The following CSMD1 variants were observed in gnomAD, a reference collection of about 807,000 sequenced individuals.
CSMD1 encodes the protein CUB and sushi domain-containing protein 1.
A neutral mutation model predicts 417.5 loss-of-function variants in CSMD1; 213 were observed. The observed-to-expected ratio is 0.51, with a 90% CI of 0.46 to 0.57. CSMD1 has a LOEUF of 0.57. CSMD1 is among the 20% of genes least tolerant of loss of function. The pLI is 0.00. For synonymous variants in CSMD1, 2,862 were observed against 1,736.8 expected, an observed-to-expected ratio of 1.65 and a Z score of -16.11; for missense variants, 6,923 against 4,529.7, an observed-to-expected ratio of 1.53 and a Z score of -15.17.
chr8:4,290,551 G>C (rs925591418), intron 3 of CSMD1, among the ~76,000 whole-genome samples: 3 of 152,176 alleles, frequency 2.0e-5, no homozygotes, highest in East Asian at 1.9e-4. Context: ...CAAAGATGAA[G>C]AAGGGCCATT....
intron 3 of CSMD1, among the ~76,000 whole-genome samples, chr8:4,094,144 A>G (rs918914): frequency 0.99 from 150,515 of 152,158 alleles, 74,471 homozygotes; most frequent in East Asian, 1. Flanking sequence ...GGGGGGGATG[A>G]GGGGACACAG....
intron 25 of CSMD1, among the ~76,000 whole-genome samples, chr8:3,305,090 A>T (rs958185582): frequency 6.6e-6 from 1 of 152,158 alleles, no homozygotes; most frequent in African/African-American, 2.4e-5. Context: ...ATCATAGCTT[A>T]CTTCAGCCTT....
chr8:3,454,904 T>A (rs956397292), intron 12 of CSMD1, among the ~76,000 whole-genome samples: 2 of 152,202 alleles, frequency 1.3e-5, no homozygotes, highest in Non-Finnish European at 2.9e-5. Flanking sequence ...TCCTGCAGAG[T>A]GTTTTCCAAC....
chr8:4,764,229 AGTC>A (rs1812299366), intron 1 of CSMD1, among the ~76,000 whole-genome samples: 1 of 152,228 alleles, frequency 6.6e-6, no homozygotes, highest in Non-Finnish European at 1.5e-5. Context: ...AAAGTTAGAC[AGTC>A]GTATTGTACA....
intron 51 of CSMD1, among the ~76,000 whole-genome samples, chr8:3,028,027 G>C (rs1238187493): frequency 1.3e-5 from 2 of 152,176 alleles, no homozygotes; most frequent in Non-Finnish European, 2.9e-5. Flanking sequence ...GCCCTGCTCT[G>C]GGAAGACAGG....
intron 1 of CSMD1, among the ~76,000 whole-genome samples, chr8:4,866,638 T>A (rs1350300): frequency 0.91 from 137,476 of 151,838 alleles, 63,380 homozygotes; most frequent in Non-Finnish European, 0.98. Flanking sequence ...ATGAGATTCA[T>A]ATGCTGGTTC....
intron 3 of CSMD1, among the ~76,000 whole-genome samples, chr8:4,076,173 C>T (rs1799812749): frequency 6.6e-6 from 1 of 152,170 alleles, no homozygotes; most frequent in Non-Finnish European, 1.5e-5. Context: ...ATGGTGTTCT[C>T]ACGACAGTGA....
At chr8:4,134,592 T>C (rs1432479081) in intron 3 of CSMD1, among the ~76,000 whole-genome samples, 1 of 152,202 alleles carries the variant, frequency 6.6e-6, no homozygotes, top group Non-Finnish European at 1.5e-5. Flanking sequence ...TGCATACAAC[T>C]TCCAACAAAC....
chr8:4,108,391 C>A (rs902702316), intron 3 of CSMD1, among the ~76,000 whole-genome samples: 2 of 152,168 alleles, frequency 1.3e-5, no homozygotes, highest in Non-Finnish European at 2.9e-5. Context: ...GAACTACTCT[C>A]GACCATGTTC....
Position 3,828,065 on chromosome 8 carries a change from G to C in CSMD1, c.819-74023C>G, listed in dbSNP as rs181109896. 6.6e-5 allele frequency among the ~76,000 whole-genome samples: 10 copies of C among 152,264 alleles called. No individual in the cohort carries two copies. The East Asian group carries it at 1.9e-3, about 29-fold the overall frequency. ...TATACTCCACTTCAATGAGCAAAAA[G>C]TTATGCCACACAGAGCTTAATTACA... On this transcript the variant is annotated intron_variant, in intron 5 of 69. Transcript: ENST00000635120.
At chr8:3,428,295 A>C (rs921598012) in intron 12 of CSMD1, among the ~76,000 whole-genome samples, 1 of 152,220 alleles carries the variant, frequency 6.6e-6, no homozygotes, top group Non-Finnish European at 1.5e-5. Context: ...CTGCAGCCAG[A>C]ACTGCTTCCT....
At chr8:3,270,114 G>A (rs1801731080) in intron 26 of CSMD1, among the ~76,000 whole-genome samples, 1 of 129,314 alleles carries the variant, frequency 7.7e-6, no homozygotes, top group Non-Finnish European at 1.6e-5. Context: ...CAGTGGCACT[G>A]TCTTGGCCCA....
intron 3 of CSMD1, among the ~76,000 whole-genome samples, chr8:4,272,119 G>T (rs1478752568): frequency 1.3e-5 from 2 of 152,144 alleles, no homozygotes; most frequent in East Asian, 1.9e-4. Context: ...AGGGGTGTGT[G>T]TGTGTGGCTG....
chr8:3,053,994 G>T (rs1037842), intron 49 of CSMD1, among the ~76,000 whole-genome samples: 108,804 of 152,042 alleles, frequency 0.72, 39,551 homozygotes, highest in East Asian at 0.8. Flanking sequence ...ATGAAGAAAT[G>T]TATATAAACA....
At chr8:4,806,784 G>C (rs572780098) in intron 1 of CSMD1, among the ~76,000 whole-genome samples, 1 of 152,206 alleles carries the variant, frequency 6.6e-6, no homozygotes, top group African/African-American at 2.4e-5. Flanking sequence ...ATCTAGTCCT[G>C]TGACAACCTT....
chr8:3,753,111 G>A (rs1797445696), intron 6 of CSMD1, among the ~76,000 whole-genome samples: 1 of 152,132 alleles, frequency 6.6e-6, no homozygotes, highest in African/African-American at 2.4e-5. Context: ...TGTCCTCTCT[G>A]GCACATGGCA....
chr8:3,943,447 G>A (rs552984889), intron 5 of CSMD1, among the ~76,000 whole-genome samples: 36 of 136,920 alleles, frequency 2.6e-4, no homozygotes, highest in Admixed American at 9.8e-4. Flanking sequence ...CAGAATTCCA[G>A]CAATTGTTTC....
chr8:4,638,954 C>T (rs920083593), intron 1 of CSMD1, among the ~76,000 whole-genome samples: 2 of 152,176 alleles, frequency 1.3e-5, no homozygotes, highest in African/African-American at 4.8e-5. Context: ...AAGAATAGAA[C>T]CCTTGAGTAA....
chr8:4,640,938 TCAATATCAATGG>T (rs1236696850), intron 1 of CSMD1, among the ~76,000 whole-genome samples: 1 of 150,812 alleles, frequency 6.6e-6, no homozygotes, highest in Non-Finnish European at 1.5e-5. Flanking sequence ...AAATAAAATA[TCAATATCAATGG>T]CAATATCAAT....
Sources: gnomAD v4.1 joint callset for allele counts (sites outside exome capture counted in the v4.1 genomes callset) on GRCh38, gnomAD v4.1.1 for gene constraint, MANE v1.5 for transcripts, NCBI Gene and HGNC (gene_info 2026-07-23, HGNC 2026-07-21) for gene names.